The following GALNT2 variants were observed in gnomAD, a reference collection of about 807,000 sequenced individuals.
GALNT2 encodes polypeptide N-acetylgalactosaminyltransferase 2.
Under a neutral mutation model 81.4 loss-of-function variants are expected in GALNT2, and 31 were observed. The observed-to-expected ratio is 0.38, with a 90% CI of 0.29 to 0.51. The LOEUF (loss-of-function observed/expected upper bound fraction) is 0.51, where lower values mean the gene tolerates loss of function less well. Among genes scored for constraint, GALNT2 ranks in the 20% least tolerant of loss-of-function variants. The pLI, the probability that GALNT2 is intolerant of heterozygous loss-of-function variation, is 0.87. For synonymous variants in GALNT2, 303 were observed against 287.4 expected, an observed-to-expected ratio of 1.05 and a Z score of -0.55; for missense variants, 629 against 765.7, an observed-to-expected ratio of 0.82 and a Z score of 2.11.
chr1:230,261,436 C>T (rs957885607), intron 11 of GALNT2, among the ~76,000 whole-genome samples: 1 of 152,148 alleles, frequency 6.6e-6, no homozygotes, highest in Non-Finnish European at 1.5e-5. Context: ...TTTGGAAGAA[C>T]ACAGTGCCTT....
chr1:230,137,030 C>T (rs1440751535), intron 1 of GALNT2, among the ~76,000 whole-genome samples: 1 of 152,168 alleles, frequency 6.6e-6, no homozygotes, highest in East Asian at 1.9e-4. Context: ...GCTAAGAGAC[C>T]GTTTCCTTGA....
chr1:230,233,538 G>A (rs1182228984), intron 3 of GALNT2, among the ~76,000 whole-genome samples: 4 of 152,114 alleles, frequency 2.6e-5, no homozygotes, highest in Non-Finnish European at 5.9e-5. Context: ...GCTTGAACCC[G>A]GGAGGCGGAG....
upstream of GALNT2, among the ~76,000 whole-genome samples, chr1:230,065,567 G>A (rs990457702): frequency 6.6e-6 from 1 of 152,160 alleles, no homozygotes; most frequent in Non-Finnish European, 1.5e-5. Context: ...TTTATCATCA[G>A]AAATGTGATT....
chr1:230,153,177 T>C (rs1414291643), intron 1 of GALNT2, among the ~76,000 whole-genome samples: 1 of 152,206 alleles, frequency 6.6e-6, no homozygotes, highest in Non-Finnish European at 1.5e-5. Flanking sequence ...GATCTTCTTA[T>C]CTCAGTCTGT....
At chr1:230,141,688 C>T (rs948454540) in intron 1 of GALNT2, among the ~76,000 whole-genome samples, 4 of 151,892 alleles carry the variant, frequency 2.6e-5, no homozygotes, top group Non-Finnish European at 5.9e-5. Context: ...TCTAGTCACC[C>T]ATTGATGGAC....
intron 1 of GALNT2, among the ~76,000 whole-genome samples, chr1:230,176,362 T>G (rs972263773): frequency 1.3e-5 from 2 of 152,206 alleles, no homozygotes; most frequent in Non-Finnish European, 2.9e-5. Context: ...TATTTTTACA[T>G]GTAGAAAATA....
rs528174476 is a variant in GALNT2, at chr1:230,271,862, T to C, written c.1441-2583T>C. ...GAGGCCTCATCACATGGGCATGATC[T>C]CCAGCTCCTCTTCCCTTCCCAGAGG... On this transcript the variant is annotated intron_variant, in intron 14 of 15. Transcript: ENST00000366672. The surrounding 1 kb of genome is among the most constrained non-coding windows in gnomAD (Gnocchi z 4.2). Among the ~76,000 whole-genome samples the C allele has an allele frequency of 6.6e-6, 1 of 152,218 alleles. No individual in the cohort carries two copies. The highest frequency in any genetic ancestry group is 1.5e-5 in the Non-Finnish European group (1 of 68,038).
At chr1:230,194,200 A>G (rs373286623) in intron 2 of GALNT2, among the ~76,000 whole-genome samples, 5 of 152,232 alleles carry the variant, frequency 3.3e-5, no homozygotes, top group African/African-American at 1.2e-4. Context: ...GTGGGGAGGC[A>G]TGCCGACTAA....
chr1:230,120,794 C>T (rs1660992971), intron 1 of GALNT2, among the ~76,000 whole-genome samples: 2 of 152,154 alleles, frequency 1.3e-5, no homozygotes, highest in Non-Finnish European at 2.9e-5. Context: ...TGACTGTGGC[C>T]CCAGGTCGTC....
At position 230,250,496 on chromosome 1, in the gene GALNT2, G is replaced by A; in HGVS notation, c.945G>A (p.Lys315=). The change falls in exon 10 of 16, where the codon AAG becomes AAA. Residue 315 remains lysine, a synonymous_variant. Coordinates refer to ENST00000366672, the MANE Select transcript of GALNT2 (RefSeq NM_004481.5). The part of the protein sequence containing the change: ...MIAGGLFVMD[K]FYFEELGKYD... ...CTGGTGGGCTGTTTGTGATGGATAA[G>A]TTCTATTTTGAAGAACTGGGGAAGT... is the stretch of plus-strand genomic sequence containing the variant. The A allele has an allele frequency of 2.5e-6, 4 of 1,614,084 alleles. No homozygotes were observed. Among genetic ancestry groups the A allele is most frequent in the East Asian group, 2.2e-5 (1 of 44,878 alleles).
intron 6 of GALNT2, among the ~76,000 whole-genome samples, chr1:230,241,226 A>T (rs1665189852): frequency 6.6e-6 from 1 of 151,660 alleles, no homozygotes; most frequent in South Asian, 2.1e-4. Context: ...TTTCTCTTTG[A>T]TGTGGTCTCC....
At position 230,243,219 on chromosome 1, in the gene GALNT2, G is replaced by A. The variant is rs1490112291; in HGVS notation, c.608-87G>A. The A allele has an allele frequency of 4.1e-6, 6 of 1,476,232 alleles. No homozygotes were observed. Among genetic ancestry groups the A allele is most frequent in the Middle Eastern group, 1.8e-4 (1 of 5,600 alleles). 91.4% of individuals were successfully genotyped at this position (1,476,232 alleles called of 1,614,324 possible). A position where few individuals can be genotyped will look rare whatever the true frequency, so the allele number is the denominator to read the frequency against. On this transcript the variant is annotated intron_variant, in intron 6 of 15. Coordinates refer to ENST00000366672, the MANE Select transcript of GALNT2 (RefSeq NM_004481.5). The surrounding 1 kb of genome is among the most constrained non-coding windows in gnomAD (Gnocchi z 4.2). ...CCCAGAAAGCAGGCTGCAGAGCTGC[G>A]GGCAGGGAGGCGTCGCCGGTTGGCA...
rs754608928 is a variant in GALNT2, at chr1:230,078,212, G to C, written c.126+10806G>C. 1.2e-4 allele frequency among the ~76,000 whole-genome samples: 19 copies of C among 152,160 alleles called. 1 individual carries two copies. The highest frequency in any genetic ancestry group is 1.5e-5 in the Non-Finnish European group (1 of 68,042). ...TAAGGCAATTCCTACTTTATTAGTG[G>C]TTATATTATTAAAAATCCTTATTTT... On this transcript the variant is annotated intron_variant, in intron 1 of 15. Coordinates refer to ENST00000366672, the MANE Select transcript of GALNT2 (RefSeq NM_004481.5).
At chr1:230,194,235 G>T (rs1414192780) in intron 2 of GALNT2, among the ~76,000 whole-genome samples, 1 of 152,186 alleles carries the variant, frequency 6.6e-6, no homozygotes, top group African/African-American at 2.4e-5. Context: ...AGAGAAAAAA[G>T]AAAAAGTTGC....
chr1:230,176,998 ACCCAGCTGTATCG>A (rs1297208494), intron 1 of GALNT2, among the ~76,000 whole-genome samples: 2 of 152,184 alleles, frequency 1.3e-5, no homozygotes, highest in African/African-American at 4.8e-5. Flanking sequence ...GATGTGATAA[ACCCAGCTGTATCG>A]CCTCATTAGA....
At chr1:230,163,960 G>T (rs1558118467) in intron 1 of GALNT2, among the ~76,000 whole-genome samples, 2 of 152,236 alleles carry the variant, frequency 1.3e-5, no homozygotes, top group Admixed American at 1.3e-4. Flanking sequence ...CTCTGGGCCA[G>T]TCACAGCCTG....
At chr1:230,141,898 C>G (rs531165538) in intron 1 of GALNT2, among the ~76,000 whole-genome samples, 1 of 145,674 alleles carries the variant, frequency 6.9e-6, no homozygotes, top group Admixed American at 7.3e-5. Context: ...CTTATTTTCC[C>G]GCCTCTGCCT....
At chr1:230,136,229 A>ACGG (rs1661533334) in intron 1 of GALNT2, among the ~76,000 whole-genome samples, 1 of 152,062 alleles carries the variant, frequency 6.6e-6, no homozygotes, top group African/African-American at 2.4e-5. Context: ...TCAGGTAACT[A>ACGG]TGATCGAACC....
At chr1:230,255,136 T>C (rs1434804146) in intron 10 of GALNT2, 82 bp from the exon 11 acceptor site, 1 of 1,604,132 alleles carries the variant, frequency 6.2e-7, no homozygotes, top group Non-Finnish European at 8.5e-7. Flanking sequence ...TCAGGGGGCC[T>C]CTGTACCTGC....
Sources: allele counts gnomAD v4.1 joint callset (sites outside exome capture counted in the v4.1 genomes callset), GRCh38; gene constraint gnomAD v4.1.1; non-coding constraint Gnocchi (gnomAD v3.1); transcripts MANE v1.5; gene names NCBI Gene and HGNC (gene_info 2026-07-23, HGNC 2026-07-21).